Variants in RIPOR2 observed in about 807,000 individuals in gnomAD.
RIPOR2 encodes the protein RHO family interacting cell polarization regulator 2.
RIPOR2 carries 39 observed loss-of-function variants against 114.5 expected under a neutral mutation model. The observed-to-expected ratio is 0.34, with a 90% CI of 0.26 to 0.44. The LOEUF (loss-of-function observed/expected upper bound fraction) is 0.44. Ranked by LOEUF, RIPOR2 falls within the 20% of genes least tolerant of loss-of-function variation. RIPOR2 has a pLI of 1.00. For missense variants in RIPOR2, 1,007 were observed against 1,255.1 expected, an observed-to-expected ratio of 0.80 and a Z score of 2.99; for synonymous variants, 445 against 484.4, an observed-to-expected ratio of 0.92 and a Z score of 1.07.
Position 24,989,025 on chromosome 6 carries a change from C to T in RIPOR2, c.76+52826G>A, listed in dbSNP as rs1435754627. ...TTTAGACAAGTCAACTAGTTTCTTT[C>T]CTCTACACTGATTCTTGAACCCTAC... On this transcript the variant is annotated intron_variant, in intron 1 of 13. Coordinates refer to the RIPOR2 transcript ENST00000510784. Among the ~76,000 whole-genome samples the T allele has an allele frequency of 2.6e-5, 4 of 152,190 alleles. No individual in the cohort carries two copies. The Middle Eastern group carries it at 0.01, about 388-fold the overall frequency.
chr6:25,023,448 C>T (rs1776429104), intron 1 of RIPOR2: 1 of 766,326 alleles, frequency 1.3e-6, no homozygotes, highest in Admixed American at 1.7e-5. Flanking sequence ...GACACCTGCG[C>T]TTTCCCTCCC....
At position 24,831,069 on chromosome 6, in the gene RIPOR2, GGGGGGTCTTTA is replaced by G. The variant is rs1458839585; in HGVS notation, c.2345-410_2345-400del. Among the ~76,000 whole-genome samples, 6 of 152,086 alleles carry G rather than the reference GGGGGGTCTTTA, an allele frequency of 3.9e-5. No homozygotes were observed. In the East Asian group the frequency reaches 9.7e-4, roughly 25 times the overall value. On this transcript the variant is annotated intron_variant, in intron 16 of 21. Coordinates refer to ENST00000643898, the MANE Select transcript of RIPOR2 (RefSeq NM_001286445.3). ...CGTGTTGGGGAAAGGGTGTGTATGT[GGGGGGTCTTTA>G]GGGACTTTTTTTCTCCCCATAAGAC...
At chr6:24,911,356 G>A (rs765618005) in intron 1 of RIPOR2, among the ~76,000 whole-genome samples, 3 of 152,126 alleles carry the variant, frequency 2.0e-5, no homozygotes, top group African/African-American at 4.8e-5. Context: ...TGGATCCAGC[G>A]CGCTGGAGGG....
Position 24,869,112 on chromosome 6 carries a change from C to T in RIPOR2, c.483G>A (p.Leu161=). The T allele has an allele frequency of 6.3e-7, 1 of 1,585,698 alleles. No individual in the cohort carries two copies. Among genetic ancestry groups the T allele is most frequent in the African/African-American group, 1.4e-5 (1 of 73,982 alleles). ...IKTIERYMRR[L]EFHISKVDEL... is the part of the protein sequence containing the mutation. Reference sequence around the variant, plus strand: ...CAGTTACCTTACTTATATGAAACTCCAGGCGTCTCATGTATCTTTCAATTG... The same window carrying T: ...CAGTTACCTTACTTATATGAAACTCTAGGCGTCTCATGTATCTTTCAATTG... Residue 161 remains leucine, a synonymous_variant, in exon 6 of 22, where the codon CTG becomes CTA. Transcript: ENST00000643898.
chr6:24,889,936 A>C (rs1767174197), intron 1 of RIPOR2, among the ~76,000 whole-genome samples: 2 of 151,968 alleles, frequency 1.3e-5, no homozygotes, highest in South Asian at 4.2e-4. Context: ...CTGTTGCCCA[A>C]GCTGGAGTGC....
chr6:24,986,426 A>C (rs57148456), intron 1 of RIPOR2, among the ~76,000 whole-genome samples: 1 of 152,214 alleles, frequency 6.6e-6, no homozygotes, highest in Non-Finnish European at 1.5e-5. Context: ...AAAACTTTTT[A>C]AAAAGGCAAT....
Position 25,028,183 on chromosome 6 carries a change from T to C in RIPOR2, c.76+13668A>G, listed in dbSNP as rs138017543. Among the ~76,000 whole-genome samples the C allele has an allele frequency of 3.1e-4, 47 of 152,274 alleles. No individual in the cohort carries two copies. The East Asian group carries it at 8.9e-3, about 29-fold the overall frequency. ...CAGCGCAGGAAGATGCAGTTTCCAG[T>C]AGATTTCCAAATATCTCCTTAGCTG... is the stretch of plus-strand genomic sequence containing the variant. On this transcript the variant is annotated intron_variant, in intron 1 of 13. Transcript: ENST00000510784.
At chr6:24,828,019 A>C in intron 18 of RIPOR2, 118 bp downstream of exon 18, 1 of 846,500 alleles carries the variant, frequency 1.2e-6, no homozygotes, top group Non-Finnish European at 1.7e-6. Context: ...GGCAAATTGC[A>C]CCTCTACTGT....
intron 1 of RIPOR2, among the ~76,000 whole-genome samples, chr6:24,901,281 C>A (rs1768412998): frequency 6.6e-6 from 1 of 152,166 alleles, no homozygotes; most frequent in Non-Finnish European, 1.5e-5. Flanking sequence ...ATGAAAACAT[C>A]TTGAGTTAAT....
In RIPOR2 at chr6:24,805,570, A is replaced by T. The variant is rs1175682711; in HGVS notation, c.*803T>A. 2 of 146,044 alleles carry T rather than the reference A, an allele frequency of 1.4e-5. No homozygotes were observed. The highest frequency in any genetic ancestry group is 5.0e-5 in the African/African-American group (2 of 40,346). The allele number at this position is 146,044 out of a possible 1,614,324, so 9.0% of individuals were successfully genotyped here. A position where few individuals can be genotyped will look rare whatever the true frequency, so the allele number is the denominator to read the frequency against. On this transcript the variant is annotated 3_prime_UTR_variant, in exon 22 of 22. Transcript: ENST00000643898. ...AACTCTCCTAATGGGTCATTTTGCC[A>T]GGTTCTGCAGGCAAACTTTTATTTG...
intron 1 of RIPOR2, among the ~76,000 whole-genome samples, chr6:25,018,433 A>G (rs1437328704): frequency 6.6e-6 from 1 of 152,218 alleles, no homozygotes; most frequent in Non-Finnish European, 1.5e-5. Context: ...GGTAATAAAT[A>G]AGATTTTATT....
upstream of RIPOR2, among the ~76,000 whole-genome samples, chr6:24,937,616 G>T (rs975463144): frequency 1.3e-5 from 2 of 152,148 alleles, no homozygotes; most frequent in African/African-American, 2.4e-5. Flanking sequence ...GCTCTCTTTT[G>T]TGTGGTTGGG....
intron 21 of RIPOR2, among the ~76,000 whole-genome samples, chr6:24,809,001 C>A (rs6919944): frequency 0.44 from 66,159 of 151,814 alleles, 15,522 homozygotes; most frequent in Non-Finnish European, 0.53. Flanking sequence ...CTCAAGTGAT[C>A]CACTCACCTT....
chr6:24,849,039 G>A (rs1283504050), intron 11 of RIPOR2, among the ~76,000 whole-genome samples: 1 of 152,242 alleles, frequency 6.6e-6, no homozygotes, highest in Middle Eastern at 3.4e-3. Flanking sequence ...CGAGTAGCTG[G>A]CATTACAGGT....
intron 5 of RIPOR2, 40 bp downstream of exon 5, chr6:24,870,826 T>C (rs371060818): frequency 3.2e-6 from 5 of 1,557,362 alleles, no homozygotes; most frequent in African/African-American, 2.7e-5. Context: ...GATGCAGAAT[T>C]TTTTTCTTAT....
intron 1 of RIPOR2, among the ~76,000 whole-genome samples, chr6:24,918,322 G>A (rs1009841031): frequency 6.6e-6 from 1 of 152,054 alleles, no homozygotes; most frequent in African/African-American, 2.4e-5. Context: ...ACCTATTATT[G>A]AAAAATTTAA....
chr6:24,840,075 A>G (rs899059208), intron 13 of RIPOR2: 6 of 721,440 alleles, frequency 8.3e-6, no homozygotes, highest in Non-Finnish European at 1.0e-5. Context: ...TTAGCCTCCC[A>G]GGTAGCTGAG....
chr6:25,022,990 GCAGT>G (rs138375137), intron 1 of RIPOR2, among the ~76,000 whole-genome samples: 1,686 of 145,278 alleles, frequency 0.012, 9 homozygotes, highest in Non-Finnish European at 0.018. Flanking sequence ...CGTTTTCAGA[GCAGT>G]CAATTTTTTT....
At chr6:24,866,130 T>A (rs934281714) in intron 6 of RIPOR2, among the ~76,000 whole-genome samples, 7 of 152,188 alleles carry the variant, frequency 4.6e-5, no homozygotes, top group African/African-American at 1.7e-4. Flanking sequence ...TTCTTAAAAT[T>A]AGGGTAAAAC....
Sources: gnomAD v4.1 joint callset for allele counts (sites outside exome capture counted in the v4.1 genomes callset) on GRCh38, gnomAD v4.1.1 for gene constraint, MANE v1.5 for transcripts, NCBI Gene and HGNC (gene_info 2026-07-23, HGNC 2026-07-21) for gene names.